The following PCDH7 variants were observed in gnomAD, a reference collection of about 807,000 sequenced individuals.
PCDH7 encodes the protein protocadherin-7.
PCDH7 carries 17 observed loss-of-function variants against 58.9 expected under a neutral mutation model. The ratio of observed to expected loss-of-function variants is 0.29; its 90% confidence interval spans 0.20 to 0.43. PCDH7 has a LOEUF of 0.43. Among genes scored for constraint, PCDH7 ranks in the 20% least tolerant of loss-of-function variants. The probability of loss-of-function intolerance (pLI) is 1.00; values close to 1 mark genes in which losing one functional copy is unlikely to be tolerated. For missense variants in PCDH7, 1,274 were observed against 1,441.0 expected (o/e 0.88, Z 1.88); for synonymous variants, 664 against 616.4 (o/e 1.08, Z -1.14).
chr4:31,061,312 C>T (rs1171670132), intron 3 of PCDH7, among the ~76,000 whole-genome samples: 1 of 151,522 alleles, frequency 6.6e-6, no homozygotes, highest in African/African-American at 2.4e-5. Flanking sequence ...GTTTGTCTCC[C>T]AACAGTGTTT....
At chr4:30,838,857 A>G (rs570030446) in intron 1 of PCDH7, among the ~76,000 whole-genome samples, 1 of 152,210 alleles carries the variant, frequency 6.6e-6, no homozygotes, top group East Asian at 1.9e-4. Flanking sequence ...GTTTCTTAGA[A>G]ATCAACTCAT....
intron 3 of PCDH7, among the ~76,000 whole-genome samples, chr4:31,065,267 T>C (rs1332756439): frequency 6.6e-6 from 1 of 151,966 alleles, no homozygotes; most frequent in Non-Finnish European, 1.5e-5. Flanking sequence ...TAGCTCTGAG[T>C]CGTCGTAACA....
At chr4:30,973,010 T>C (rs1749738455) in intron 3 of PCDH7, among the ~76,000 whole-genome samples, 1 of 152,206 alleles carries the variant, frequency 6.6e-6, no homozygotes, top group Non-Finnish European at 1.5e-5. Flanking sequence ...GAAGAAATGA[T>C]AAATACCTTT....
At chr4:30,863,771 A>T (rs531842796) in intron 1 of PCDH7, among the ~76,000 whole-genome samples, 2 of 152,240 alleles carry the variant, frequency 1.3e-5, no homozygotes, top group South Asian at 4.1e-4. Flanking sequence ...CACACAAAAA[A>T]TTCTGCATTT....
rs536569137 is a variant in PCDH7, at chr4:31,026,287, T to G, written c.*7+76072T>G. Among the ~76,000 whole-genome samples the G allele has an allele frequency of 5.9e-5, 9 of 152,344 alleles. No homozygotes were observed. In the South Asian group the frequency reaches 1.7e-3, roughly 28 times the overall value. On this transcript the variant is annotated intron_variant, in intron 3 of 3. Transcript: ENST00000509759. The stretch of plus-strand genomic sequence containing the variant: ...CAGTGTCATTTGCCTCTATTTTCTG[T>G]GCCACAAGTTGTACCTTTGATGTTT...
chr4:30,838,431 C>A (rs1577998388), intron 1 of PCDH7, among the ~76,000 whole-genome samples: 1 of 152,038 alleles, frequency 6.6e-6, no homozygotes, highest in Admixed American at 6.6e-5. Flanking sequence ...GGGCTGTAAT[C>A]ATTCCAGTCA....
intron 3 of PCDH7, among the ~76,000 whole-genome samples, chr4:31,099,552 C>T (rs1002408210): frequency 5.3e-5 from 8 of 152,168 alleles, no homozygotes; most frequent in South Asian, 4.1e-4. Flanking sequence ...CAGATATCCA[C>T]AAAAATATGG....
At chr4:30,901,641 C>A (rs566555103) in intron 1 of PCDH7, among the ~76,000 whole-genome samples, 1 of 152,194 alleles carries the variant, frequency 6.6e-6, no homozygotes, top group Admixed American at 6.5e-5. Flanking sequence ...AACTACATAC[C>A]TTTTCCCTTA....
intron 2 of PCDH7, among the ~76,000 whole-genome samples, chr4:30,940,623 T>C (rs1285882644): frequency 1.3e-5 from 2 of 152,024 alleles, no homozygotes; most frequent in Non-Finnish European, 2.9e-5. Context: ...ATATGGCTTA[T>C]TCTCAAGTTT....
At chr4:30,908,223 C>T (rs934606702) in intron 1 of PCDH7, among the ~76,000 whole-genome samples, 4 of 141,844 alleles carry the variant, frequency 2.8e-5, no homozygotes, top group African/African-American at 1.1e-4. Flanking sequence ...TGCACATGTA[C>T]CCTAGAACTT....
chr4:31,063,953 G>C (rs188965039), intron 3 of PCDH7, among the ~76,000 whole-genome samples: 2 of 151,866 alleles, frequency 1.3e-5, no homozygotes, highest in African/African-American at 4.8e-5. Context: ...AACCCAATTC[G>C]ATCTGAAAAC....
chr4:30,778,453 C>T (rs996594187), intron 1 of PCDH7, among the ~76,000 whole-genome samples: 2 of 152,048 alleles, frequency 1.3e-5, no homozygotes, highest in African/African-American at 2.4e-5. Flanking sequence ...TGATTGGAAA[C>T]ATACCCCCAA....
chr4:31,062,330 G>A (rs754020265), intron 3 of PCDH7, among the ~76,000 whole-genome samples: 4 of 151,578 alleles, frequency 2.6e-5, no homozygotes, highest in Non-Finnish European at 5.9e-5. Flanking sequence ...ACTGGATAAC[G>A]CATAGAAAAG....
At chr4:30,896,542 C>CT (rs1458696979) in intron 1 of PCDH7, among the ~76,000 whole-genome samples, 1 of 151,850 alleles carries the variant, frequency 6.6e-6, no homozygotes, top group Non-Finnish European at 1.5e-5. Context: ...GATTTATAAC[C>CT]TTTTTTCTTT....
At chr4:30,745,296 T>C (rs563897518) in intron 1 of PCDH7, among the ~76,000 whole-genome samples, 4 of 152,060 alleles carry the variant, frequency 2.6e-5, no homozygotes, top group African/African-American at 4.8e-5. Flanking sequence ...AGCCCTGGGA[T>C]ATCTGGAGAA....
chr4:31,085,889 G>A (rs1407779679), intron 3 of PCDH7, among the ~76,000 whole-genome samples: 1 of 145,840 alleles, frequency 6.9e-6, no homozygotes, highest in Non-Finnish European at 1.5e-5. Context: ...TCTTCACCAG[G>A]AAATCTCAGG....
intron 2 of PCDH7, among the ~76,000 whole-genome samples, chr4:30,930,080 G>A (rs1744375024): frequency 6.6e-6 from 1 of 152,168 alleles, no homozygotes; most frequent in Non-Finnish European, 1.5e-5. Context: ...AGAAAGGCGT[G>A]TACAGATTTG....
intron 3 of PCDH7, among the ~76,000 whole-genome samples, chr4:30,991,638 T>C (rs545651351): frequency 6.6e-6 from 1 of 152,342 alleles, no homozygotes; most frequent in East Asian, 1.9e-4. Flanking sequence ...TTAAATGTTT[T>C]TAATTTAGTA....
chr4:30,882,375 C>A (rs1275310265), intron 1 of PCDH7, among the ~76,000 whole-genome samples: 1 of 151,950 alleles, frequency 6.6e-6, no homozygotes, highest in Non-Finnish European at 1.5e-5. Flanking sequence ...CAGTTCTACC[C>A]CAGCCTCCCA....
Sources: allele counts gnomAD v4.1 joint callset (sites outside exome capture counted in the v4.1 genomes callset), GRCh38; gene constraint gnomAD v4.1.1; transcripts MANE v1.5; gene names NCBI Gene and HGNC (gene_info 2026-07-23, HGNC 2026-07-21).